The following CCDC77 variants were observed in gnomAD, a reference collection of about 807,000 sequenced individuals.
The protein encoded by CCDC77 is coiled-coil domain containing 77.
A neutral mutation model predicts 66.8 loss-of-function variants in CCDC77; 56 were observed. That is an observed-to-expected ratio of 0.84 (90% CI 0.68 to 1.05). CCDC77 has a LOEUF of 1.05. Among genes scored for constraint, CCDC77 ranks in the 50% least tolerant of loss-of-function variants. The pLI is 0.00. For missense variants in CCDC77, 570 were observed against 576.8 expected, an observed-to-expected ratio of 0.99 and a Z score of 0.12; for synonymous variants, 196 against 195.2, an observed-to-expected ratio of 1.00 and a Z score of -0.03.
chr12:436,359 C>T (rs577959692), intron 9 of CCDC77, among the ~76,000 whole-genome samples: 10 of 151,822 alleles, frequency 6.6e-5, no homozygotes, highest in East Asian at 1.9e-4. Flanking sequence ...GATCTGACCT[C>T]GTGATCTGCC....
chr12:414,302 A>G lies in CCDC77; in HGVS notation c.270+2324A>G, dbSNP rs1945179288. Among the ~76,000 whole-genome samples, 2 of 149,192 alleles carry G rather than the reference A, an allele frequency of 1.3e-5. 1 individual carries two copies. The highest frequency in any genetic ancestry group is 4.2e-4 in the South Asian group (2 of 4,808). ...AGGTGGGTTTTCACCATGTTGGCCA[A>G]GCTCATCTCAAACTCCTGACCTTGT... On this transcript the variant is annotated intron_variant, in intron 4 of 12. Transcript: ENST00000239830.
rs146219897 is a variant in CCDC77 at position 389,693 on chromosome 12, C to G, written c.-113+207C>G. ...GAGGGTCCCTTTCCCTTTTGTGTAT[C>G]AGTGCACTCGAAAACACGCCGGGCT... On this transcript the variant is annotated intron_variant, in intron 1 of 11. Coordinates refer to the CCDC77 transcript ENST00000422000. 1.2e-4 allele frequency among the ~76,000 whole-genome samples: 18 copies of G among 150,880 alleles called. No individual in the cohort carries two copies. The East Asian group carries it at 2.3e-3, about 20-fold the overall frequency.
Position 418,593 on chromosome 12 carries a change from C to G in CCDC77, c.370C>G (p.His124Asp). The change falls in exon 5 of 13, where the codon CAT (histidine) becomes GAT (aspartate). Residue 124 changes from histidine (H) to aspartate (D), a missense_variant. His to Asp is a moderately conservative substitution (Grantham distance 81, BLOSUM62 -1). Transcript: ENST00000239830. ...GGTCTGCCTCTTCCAGGAACGGGAA[C>G]ATGTTTTACGCCTCTACTCAGAAAA... ...MQVCLFQERE[H>D]VLRLYSENDR... The G allele has an allele frequency of 1.2e-6, 2 of 1,614,154 alleles. No homozygotes were observed. The highest frequency in any genetic ancestry group is 1.7e-6 in the Non-Finnish European group (2 of 1,179,984).
chr12:399,522 G>A (rs1944870005), upstream of CCDC77, among the ~76,000 whole-genome samples: 1 of 152,168 alleles, frequency 6.6e-6, no homozygotes, highest in South Asian at 2.1e-4. Flanking sequence ...CTTGATCCAT[G>A]AGCTGCAGAA....
chr12:406,839 C>T (rs185868469), intron 2 of CCDC77, among the ~76,000 whole-genome samples: 41 of 152,242 alleles, frequency 2.7e-4, no homozygotes, highest in Non-Finnish European at 4.3e-4. Context: ...CCCAGCCACT[C>T]GGGAGGCTGA....
chr12:411,626 A>G, intron 3 of CCDC77, 121 bp from the exon 4 acceptor site: 2 of 845,738 alleles, frequency 2.4e-6, no homozygotes, highest in Non-Finnish European at 1.8e-6. Flanking sequence ...CCAAACTTCC[A>G]AATTTATGAG....
At chr12:396,481 G>T (rs1478204988) in intron 1 of CCDC77, among the ~76,000 whole-genome samples, 1 of 152,182 alleles carries the variant, frequency 6.6e-6, no homozygotes, top group Non-Finnish European at 1.5e-5. Flanking sequence ...ATGTTTTGAA[G>T]TATACGGGAG....
At chr12:403,351 G>A (rs1367307141) in intron 1 of CCDC77, among the ~76,000 whole-genome samples, 7 of 152,082 alleles carry the variant, frequency 4.6e-5, no homozygotes, top group Admixed American at 3.9e-4. Flanking sequence ...CCTTATATCC[G>A]TACACCAACC....
At chr12:437,845 T>TAA (rs3043231) in intron 9 of CCDC77, among the ~76,000 whole-genome samples, 36,380 of 124,244 alleles carry the variant, frequency 0.29, 5,946 homozygotes, top group East Asian at 0.47. Context: ...GACCCTGTCT[T>TAA]AAAAAAAAAA....
chr12:426,782 C>G (rs956314601), intron 5 of CCDC77, among the ~76,000 whole-genome samples: 1 of 152,148 alleles, frequency 6.6e-6, no homozygotes, highest in Non-Finnish European at 1.5e-5. Context: ...AGCTTAGACC[C>G]TGTATCCAGC....
chr12:433,614 A>G (rs1398993845), intron 9 of CCDC77: 6 of 344,212 alleles, frequency 1.7e-5, no homozygotes, highest in African/African-American at 2.2e-5. Flanking sequence ...CACGCCTGTA[A>G]TCGCTCCTGC....
At chr12:441,261 A>G (rs539146118) in intron 12 of CCDC77, among the ~76,000 whole-genome samples, 2 of 152,356 alleles carry the variant, frequency 1.3e-5, no homozygotes, top group East Asian at 3.9e-4. Context: ...GAAGTAGATT[A>G]AAGAATCGTG....
chr12:415,553 T>A, intron 4 of CCDC77, among the ~76,000 whole-genome samples: 1 of 149,612 alleles, frequency 6.7e-6, no homozygotes, highest in South Asian at 2.1e-4. Flanking sequence ...TATGTTGATA[T>A]TATTAACATA....
intron 7 of CCDC77, among the ~76,000 whole-genome samples, chr12:431,322 G>A (rs973985143): frequency 1.4e-4 from 21 of 150,466 alleles, no homozygotes; most frequent in African/African-American, 4.4e-4. Flanking sequence ...AGATTCAAGC[G>A]ATTCTCCTAC....
chr12:413,063 C>G (rs1432177875), intron 4 of CCDC77, among the ~76,000 whole-genome samples: 1 of 151,170 alleles, frequency 6.6e-6, no homozygotes, highest in Non-Finnish European at 1.5e-5. Flanking sequence ...CTCAGCCTCC[C>G]GAGTAGCTGG....
chr12:417,448 G>A lies in CCDC77; in HGVS notation c.271-1046G>A, dbSNP rs145710607. Among the ~76,000 whole-genome samples, 629 of 152,146 alleles carry A rather than the reference G, an allele frequency of 4.1e-3. 7 individuals are homozygous for A. The highest frequency in any genetic ancestry group is 8.4e-3 in the Admixed American group (128 of 15,272). Reference sequence around the variant, plus strand: ...ATCTCAGAATGTTTATTCCTGCCACGCTTTCCCCCACACCATTTCACCATG... The same window carrying A: ...ATCTCAGAATGTTTATTCCTGCCACACTTTCCCCCACACCATTTCACCATG... On this transcript the variant is annotated intron_variant, in intron 4 of 12. Transcript: ENST00000239830.
intron 9 of CCDC77, chr12:436,724 C>T (rs16930719): frequency 0.24 from 230,600 of 964,802 alleles, 29,406 homozygotes; most frequent in Non-Finnish European, 0.26. Context: ...AGTAACCTTC[C>T]TTGTTTAGCG....
At chr12:418,093 T>G (rs904461748) in intron 4 of CCDC77, among the ~76,000 whole-genome samples, 4 of 151,580 alleles carry the variant, frequency 2.6e-5, no homozygotes, top group Non-Finnish European at 5.9e-5. Context: ...CTGAGGCGGG[T>G]GGATCACTTG....
At chr12:427,632 G>A (rs545575569) in intron 5 of CCDC77, among the ~76,000 whole-genome samples, 1 of 151,656 alleles carries the variant, frequency 6.6e-6, no homozygotes, top group Admixed American at 6.6e-5. Flanking sequence ...ACGCCACCAC[G>A]CCCAGATAAA....
Sources: gnomAD v4.1 joint callset for allele counts (sites outside exome capture counted in the v4.1 genomes callset) on GRCh38, gnomAD v4.1.1 for gene constraint, MANE v1.5 for transcripts, NCBI Gene and HGNC (gene_info 2026-07-23, HGNC 2026-07-21) for gene names.